The following POLG variants were observed in gnomAD, a reference collection of about 807,000 sequenced individuals.
POLG encodes the protein DNA polymerase gamma, catalytic subunit.
A neutral mutation model predicts 155.4 loss-of-function variants in POLG; 110 were observed. That is an observed-to-expected ratio of 0.71 (90% CI 0.61 to 0.83). The LOEUF is 0.83. Ranked by LOEUF, POLG falls within the 40% of genes least tolerant of loss-of-function variation. POLG has a pLI of 0.00. For synonymous variants in POLG, 701 were observed against 631.5 expected (o/e 1.11, Z -1.65); for missense variants, 1,685 against 1,627.5 (o/e 1.04, Z -0.61).
chr15:89,316,933 G>GT, intron 22 of POLG, 106 bp from the exon 23 acceptor site: 1 of 847,748 alleles, frequency 1.2e-6, no homozygotes. Flanking sequence ...AGAGTGAAAG[G>GT]TTGAGAACAA....
At chr15:89,325,037 AGAGT>A (rs71824331) in intron 10 of POLG, among the ~76,000 whole-genome samples, 7,780 of 70,124 alleles carry the variant, frequency 0.11, 850 homozygotes, top group South Asian at 0.15. Flanking sequence ...CTGAACCCAG[AGAGT>A]GAGTGAGTGA....
At chr15:89,331,463 T>C (rs1306893161) in intron 2 of POLG, among the ~76,000 whole-genome samples, 1 of 152,262 alleles carries the variant, frequency 6.6e-6, no homozygotes, top group Non-Finnish European at 1.5e-5. Context: ...CATGAAGCCA[T>C]ATTATAAACT....
At chr15:89,318,811 T>C in intron 20 of POLG, 62 bp from the exon 21 acceptor site, 1 of 1,557,908 alleles carries the variant, frequency 6.4e-7, no homozygotes, top group Non-Finnish European at 8.8e-7. Context: ...AACTCCAGGG[T>C]AGAAGCCCCA....
In POLG at chr15:89,333,481, C is replaced by T. The variant is rs747837325; in HGVS notation, c.274G>A (p.Gly92Arg). ...ACCGCGGCCTCGCCAGGCATCTCCCCTCCTTGCCCGAAGATTTGCTCGTGC... is the reference window on the plus strand; with the variant it reads ...ACCGCGGCCTCGCCAGGCATCTCCCTTCCTTGCCCGAAGATTTGCTCGTGC... ...GLHEQIFGQG[G>R]EMPGEAAVRR... The change falls in exon 2 of 23, where the codon GGG becomes AGG. Residue 92 changes from glycine (G) to arginine (R), a missense_variant. By Grantham distance (125) the Gly-to-Arg change is moderately radical (BLOSUM62 -2). Around this residue, in one of 3 missense-constraint regions of POLG, gnomAD observed 1,210 missense variants for 1,167.1 expected, o/e 1.04. Coordinates refer to ENST00000268124, the MANE Select transcript of POLG (RefSeq NM_002693.3). 5 of 1,612,486 alleles carry T rather than the reference C, an allele frequency of 3.1e-6. 1 individual carries two copies. The Admixed American group carries it at 6.7e-5, about 21-fold the overall frequency.
chr15:89,323,943 G>A, intron 11 of POLG, 42 bp from the exon 12 acceptor site: 1 of 1,543,860 alleles, frequency 6.5e-7, no homozygotes, highest in Non-Finnish European at 9.0e-7. Flanking sequence ...CAGGGGACTG[G>A]GTAGGCCCCA....
chr15:89,322,875 G>T lies in POLG; in HGVS notation c.2293C>A (p.Pro765Thr), dbSNP rs1003442806. Residue 765 changes from proline (P) to threonine (T), a missense_variant, in exon 14 of 23, where the codon CCC becomes ACC. Physicochemically the swap from Pro to Thr is conservative, Grantham distance 38. This residue lies in a region of POLG where 1,210 missense variants were observed against 1,167.1 expected (regional missense o/e 1.04). Transcript: ENST00000268124. ...KDGNSCNVGSPFAKDFLPKME... is the reference protein window; with the variant it reads ...KDGNSCNVGSTFAKDFLPKME... ...TTGGGCAGGAAGTCCTTGGCAAAGG[G>T]GCTTCCCACATTACAGCTATTACCA... 1.2e-6 allele frequency: 2 copies of T among 1,613,400 alleles called. No homozygotes were observed. The highest frequency in any genetic ancestry group is 8.5e-7 in the Non-Finnish European group (1 of 1,179,920).
At chr15:89,325,418 C>CAGCCCCTTCCTCCCCTGGGCCT (rs765521610) in intron 10 of POLG, 32 bp downstream of exon 10, 5 of 1,474,628 alleles carry the variant, frequency 3.4e-6, no homozygotes, top group Non-Finnish European at 4.7e-6. Context: ...CCCTAGGCTC[C>CAGCCCCTTCCTCCCCTGGGCCT]AGCCCCTTCC....
At chr15:89,321,342 C>T (rs1174357228) in intron 16 of POLG, 82 bp from the exon 17 acceptor site, 2 of 1,517,794 alleles carry the variant, frequency 1.3e-6, no homozygotes, top group African/African-American at 1.4e-5. Context: ...GAGCTAGAGC[C>T]TTTCCTGAGG....
In POLG at chr15:89,328,724, A is replaced by G; in HGVS notation, c.1131T>C (p.Phe377=). 1 of 1,614,100 alleles carries G rather than the reference A, an allele frequency of 6.2e-7. No individual in the cohort carries two copies. Among genetic ancestry groups the G allele is most frequent in the Non-Finnish European group, 8.5e-7 (1 of 1,180,014 alleles). ...GAATGTCCTTCATGGTGCCCTTCAC[A>G]AACAGTTCTCGAGGCTCCTTCTCTA... The part of the protein sequence containing the change: ...PPLEKEPREL[F]VKGTMKDIRE... The change falls in exon 5 of 23, where the codon TTT becomes TTC. Residue 377 remains phenylalanine (F), a synonymous_variant. Coordinates refer to ENST00000268124, the MANE Select transcript of POLG (RefSeq NM_002693.3).
chr15:89,318,954 C>T lies in POLG; in HGVS notation c.3250G>A (p.Glu1084Lys). Reference protein sequence around the residue: ...VLGCCISRALEPSAVQEEFMT... With the variant: ...VLGCCISRALKPSAVQEEFMT... ...ACCTCTTCCTGGACAGCCGAGGGCTCCAGGGCTCGGCTGATGCAGCAGCCC... is the reference window on the plus strand; with the variant it reads ...ACCTCTTCCTGGACAGCCGAGGGCTTCAGGGCTCGGCTGATGCAGCAGCCC... The change falls in exon 20 of 23, where the codon GAG (glutamate) becomes AAG (lysine). Residue 1084 changes from glutamate to lysine, a missense_variant. By Grantham distance (56) the Glu-to-Lys change is moderately conservative. Transcript: ENST00000268124. 6.2e-7 allele frequency: 1 copy of T among 1,614,144 alleles called. No individual in the cohort carries two copies. The highest frequency in any genetic ancestry group is 8.5e-7 in the Non-Finnish European group (1 of 1,180,004).
At chr15:89,321,080 A>C in intron 17 of POLG, 45 bp downstream of exon 17, 1 of 1,497,568 alleles carries the variant, frequency 6.7e-7, no homozygotes, top group Non-Finnish European at 9.0e-7. Flanking sequence ...CAGAACTGTC[A>C]ATATGCTGAG....
chr15:89,321,089 A>G (rs368059716), intron 17 of POLG, 36 bp downstream of exon 17: 14 of 1,421,272 alleles, frequency 9.9e-6, no homozygotes, highest in Non-Finnish European at 9.7e-7. Flanking sequence ...CAATATGCTG[A>G]GGGGCTGGGC....
intron 2 of POLG, among the ~76,000 whole-genome samples, chr15:89,330,920 A>G (rs1315600687): frequency 6.6e-6 from 1 of 150,518 alleles, no homozygotes; most frequent in Non-Finnish European, 1.5e-5. Flanking sequence ...TGGGAGGGAT[A>G]GGGGATGAGT....
rs775769107 is a variant in POLG at position 89,325,667 on chromosome 15, G to T, written c.1732C>A (p.Pro578Thr). 6.2e-7 allele frequency: 1 copy of T among 1,609,044 alleles called. No individual in the cohort carries two copies. The highest frequency in any genetic ancestry group is 8.5e-7 in the Non-Finnish European group (1 of 1,179,702). The stretch of plus-strand genomic sequence containing the variant: ...GTCCATGCAGGGTCGTCTAGCCGGG[G>T]GCAGAGCTTCCGGTACCATCTACGT... ...GHPGWYRKLC[P>T]RLDDPAWTPG... Residue 578 changes from proline (P) to threonine (T), a missense_variant, in exon 10 of 23, where the codon CCC becomes ACC. Physicochemically the swap from Pro to Thr is conservative, Grantham distance 38 (BLOSUM62 -1). Transcript: ENST00000268124.
intron 10 of POLG, among the ~76,000 whole-genome samples, 191 bp downstream of exon 10, chr15:89,325,259 T>TGAGTGAGTGAGTGAGTGAGTGAGTGAGA: frequency 2.5e-5 from 2 of 80,476 alleles, no homozygotes; most frequent in South Asian, 7.2e-4. Flanking sequence ...AGAGAGAGAG[T>TGAGTGAGTGAGTGAGTGAGTGAGTGAGA]GAGTGAGTGA....
intron 10 of POLG, 32 bp from the exon 11 acceptor site, chr15:89,324,259 T>C: frequency 6.2e-7 from 1 of 1,608,758 alleles, no homozygotes. Context: ...CAGCAGCCGC[T>C]GATTACCAGA....
chr15:89,329,856 CCATT>C (rs1349875386), intron 3 of POLG, among the ~76,000 whole-genome samples: 6 of 152,168 alleles, frequency 3.9e-5, no homozygotes, highest in South Asian at 2.1e-4. Context: ...GAGACGAAGG[CCATT>C]ATTACTTTGT....
At position 89,333,343 on chromosome 15, in the gene POLG, G is replaced by T; in HGVS notation, c.412C>A (p.His138Asn). 1 of 1,565,380 alleles carries T rather than the reference G, an allele frequency of 6.4e-7. No homozygotes were observed. Residue 138 changes from histidine to asparagine, a missense_variant, in exon 2 of 23, where the codon CAC (histidine) becomes AAC (asparagine). Physicochemically the swap from His to Asn is moderately conservative, Grantham distance 68 (BLOSUM62 1). This residue lies in a region of POLG where 1,210 missense variants were observed against 1,167.1 expected (regional missense o/e 1.04). Transcript: ENST00000268124. ...PPLYGDNLDQ[H>N]FRLLAQKQSL... ...TGCTTCTGGGCCAGGAGGCGGAAGT[G>T]CTGGTCCAGGTTGTCCCCGTAGAGG...
At chr15:89,321,079 C>T (rs1432225057) in intron 17 of POLG, 46 bp downstream of exon 17, 1 of 1,536,330 alleles carries the variant, frequency 6.5e-7, no homozygotes, top group Admixed American at 1.8e-5. Flanking sequence ...TCAGAACTGT[C>T]AATATGCTGA....
Sources: allele counts gnomAD v4.1 joint callset (sites outside exome capture counted in the v4.1 genomes callset), GRCh38; gene constraint gnomAD v4.1.1; regional missense constraint gnomAD v4.1.1; transcripts MANE v1.5; gene names NCBI Gene and HGNC (gene_info 2026-07-23, HGNC 2026-07-21).